NKAIN2: variants seen among roughly 807,000 people sequenced by gnomAD.
NKAIN2 encodes the protein sodium/potassium-transporting ATPase subunit beta-1-interacting protein 2.
NKAIN2 carries 14 observed loss-of-function variants against 32.6 expected under a neutral mutation model. The ratio of observed to expected loss-of-function variants is 0.43; its 90% CI spans 0.28 to 0.67. NKAIN2 has a LOEUF of 0.67. Among genes scored for constraint, NKAIN2 ranks in the 30% least tolerant of loss-of-function variants. NKAIN2 has a pLI of 0.17. For missense variants in NKAIN2, 198 were observed against 258.3 expected, an observed-to-expected ratio of 0.77 and a Z score of 1.60; for synonymous variants, 80 against 87.2, an observed-to-expected ratio of 0.92 and a Z score of 0.46.
intron 1 of NKAIN2, among the ~76,000 whole-genome samples, chr6:123,898,168 A>G (rs925422384): frequency 6.6e-6 from 1 of 152,176 alleles, no homozygotes; most frequent in Non-Finnish European, 1.5e-5. Context: ...GCGGACACTG[A>G]TACAGGCTTA....
At chr6:124,512,262 G>A (rs899383728) in intron 3 of NKAIN2, among the ~76,000 whole-genome samples, 7 of 152,114 alleles carry the variant, frequency 4.6e-5, no homozygotes, top group Non-Finnish European at 1.0e-4. Context: ...ACACCATGGG[G>A]TGATGATCTT....
intron 3 of NKAIN2, among the ~76,000 whole-genome samples, chr6:124,537,306 A>G (rs980663351): frequency 3.3e-5 from 5 of 152,186 alleles, no homozygotes; most frequent in African/African-American, 4.8e-5. Context: ...ATGACCCTGA[A>G]CTTAGCTTGT....
chr6:124,385,842 C>A (rs1036235377), intron 3 of NKAIN2, among the ~76,000 whole-genome samples: 4 of 151,988 alleles, frequency 2.6e-5, no homozygotes, highest in African/African-American at 9.7e-5. Flanking sequence ...CATGTACATA[C>A]TCATATATAT....
intron 1 of NKAIN2, among the ~76,000 whole-genome samples, chr6:123,970,319 C>T (rs1454261117): frequency 1.3e-5 from 2 of 151,932 alleles, no homozygotes; most frequent in Admixed American, 6.6e-5. Flanking sequence ...AGAAAAACAA[C>T]TAGAAGAAAT....
chr6:124,622,923 G>A (rs536167984), intron 3 of NKAIN2, among the ~76,000 whole-genome samples: 7 of 152,176 alleles, frequency 4.6e-5, no homozygotes, highest in African/African-American at 1.4e-4. Context: ...AGGATAGGGG[G>A]TGTGGTGGAC....
At chr6:124,522,055 A>G (rs938164084) in intron 3 of NKAIN2, among the ~76,000 whole-genome samples, 11 of 150,672 alleles carry the variant, frequency 7.3e-5, no homozygotes, top group Middle Eastern at 3.5e-3. Flanking sequence ...TTGGCCTTCT[A>G]CTCTCTGTAT....
intron 1 of NKAIN2, among the ~76,000 whole-genome samples, chr6:123,903,652 C>T (rs1774713996): frequency 6.6e-6 from 1 of 152,080 alleles, no homozygotes; most frequent in African/African-American, 2.4e-5. Context: ...TATTGCCAAC[C>T]ATAAGTTGTC....
chr6:124,277,398 G>T (rs1020021481), intron 1 of NKAIN2, among the ~76,000 whole-genome samples: 1 of 150,722 alleles, frequency 6.6e-6, no homozygotes, highest in African/African-American at 2.4e-5. Context: ...TTCCATCTTG[G>T]ATTTTCCCTA....
At chr6:124,691,081 T>C (rs1774234079) in intron 4 of NKAIN2, among the ~76,000 whole-genome samples, 1 of 152,314 alleles carries the variant, frequency 6.6e-6, no homozygotes, top group Admixed American at 6.5e-5. Flanking sequence ...ACTTTTTATA[T>C]TTGTTTTATC....
rs1322340769 is a variant in NKAIN2, at chr6:124,709,624, C to T, written c.474+51238C>T. Among the ~76,000 whole-genome samples the T allele has an allele frequency of 1.5e-3, 230 of 149,374 alleles. 1 individual carries two copies. Among genetic ancestry groups the T allele is most frequent in the African/African-American group, 5.2e-3 (212 of 40,550 alleles). On this transcript the variant is annotated intron_variant, in intron 4 of 6. Transcript: ENST00000368417. ...TCTTCTAGATTTTCTAGTTTATTTG[C>T]GTAGAGGTATTTGTAGTATTCTCTG...
intron 1 of NKAIN2, among the ~76,000 whole-genome samples, chr6:124,116,112 G>C (rs1450713506): frequency 1.3e-5 from 2 of 151,908 alleles, no homozygotes; most frequent in Non-Finnish European, 2.9e-5. Flanking sequence ...TTCTTATTGG[G>C]TTAATATCAG....
intron 3 of NKAIN2, among the ~76,000 whole-genome samples, chr6:124,532,941 C>T (rs2114825038): frequency 6.6e-6 from 1 of 152,304 alleles, no homozygotes; most frequent in South Asian, 2.1e-4. Context: ...TAGCCCCTTA[C>T]TCTTCAGGAA....
intron 3 of NKAIN2, among the ~76,000 whole-genome samples, chr6:124,652,676 T>C (rs748550212): frequency 7.2e-5 from 11 of 152,072 alleles, no homozygotes; most frequent in Non-Finnish European, 1.3e-4. Context: ...GTCCTTCTTG[T>C]TGTGTTATAA....
intron 1 of NKAIN2, among the ~76,000 whole-genome samples, chr6:124,109,707 G>T (rs530531852): frequency 8.6e-5 from 13 of 151,944 alleles, no homozygotes; most frequent in Non-Finnish European, 1.9e-4. Flanking sequence ...CAAGCTTTCT[G>T]TTCTTGTTAA....
intron 3 of NKAIN2, among the ~76,000 whole-genome samples, chr6:124,488,857 A>G (rs1777754340): frequency 6.6e-6 from 1 of 151,944 alleles, no homozygotes; most frequent in Non-Finnish European, 1.5e-5. Flanking sequence ...TGAGTATGTG[A>G]TGGTTTCCCC....
Position 124,333,967 on chromosome 6 carries a change from GTTTT to G in NKAIN2, c.193-21297_193-21294del, listed in dbSNP as rs551841001. Reference sequence around the variant, plus strand: ...TTTGTTAAAGCAAGTACTTTTAACAGTTTTTTATTTTAAATTGACCATTTTAAAA... The same window carrying G: ...TTTGTTAAAGCAAGTACTTTTAACAGTTATTTTAAATTGACCATTTTAAAA... On this transcript the variant is annotated intron_variant, in intron 2 of 6. Coordinates refer to ENST00000368417, the MANE Select transcript of NKAIN2 (RefSeq NM_001040214.3). Among the ~76,000 whole-genome samples the G allele has an allele frequency of 2.8e-3, 419 of 152,190 alleles. 3 individuals carry two copies. The highest frequency in any genetic ancestry group is 9.7e-3 in the African/African-American group (402 of 41,544).
chr6:124,584,607 C>T (rs939933989), intron 3 of NKAIN2, among the ~76,000 whole-genome samples: 6 of 145,722 alleles, frequency 4.1e-5, no homozygotes, highest in Non-Finnish European at 6.0e-5. Flanking sequence ...GAGCCGAGAT[C>T]GTGTCATTGC....
chr6:124,392,579 T>A (rs1020235198), intron 3 of NKAIN2, among the ~76,000 whole-genome samples: 1 of 152,136 alleles, frequency 6.6e-6, no homozygotes, highest in Non-Finnish European at 1.5e-5. Flanking sequence ...AGTTTAGGGC[T>A]ATGCTAGACT....
chr6:124,517,581 A>G (rs941279614), intron 3 of NKAIN2, among the ~76,000 whole-genome samples: 2 of 151,772 alleles, frequency 1.3e-5, no homozygotes, highest in Admixed American at 6.6e-5. Flanking sequence ...CAAGGCCTCT[A>G]CTCTGCTCCT....
Sources: allele counts gnomAD v4.1 joint callset (sites outside exome capture counted in the v4.1 genomes callset), GRCh38; gene constraint gnomAD v4.1.1; transcripts MANE v1.5; gene names NCBI Gene and HGNC (gene_info 2026-07-23, HGNC 2026-07-21).